SYNE1: variants seen among roughly 807,000 people sequenced by gnomAD.
SYNE1 encodes the protein spectrin repeat containing nuclear envelope protein 1.
SYNE1 carries 616 observed loss-of-function variants against 1,111.0 expected under a neutral mutation model. The ratio of observed to expected loss-of-function variants is 0.55; its 90% CI spans 0.52 to 0.59. The LOEUF (loss-of-function observed/expected upper bound fraction) is 0.59. Ranked by LOEUF, SYNE1 falls within the 20% of genes least tolerant of loss-of-function variation. SYNE1 has a pLI of 0.00. For missense variants in SYNE1, 10,006 were observed against 10,417.0 expected (o/e 0.96, Z 1.72); for synonymous variants, 3,855 against 3,825.8 (o/e 1.01, Z -0.28).
chr6:152,514,820 T>C (rs2099103415), intron 6 of SYNE1, among the ~76,000 whole-genome samples: 1 of 152,164 alleles, frequency 6.6e-6, no homozygotes, highest in African/African-American at 2.4e-5. Flanking sequence ...CTGGACTTCT[T>C]GCCTCCAAAA....
chr6:152,430,096 T>G lies in SYNE1; in HGVS notation c.4788+16A>C. The G allele has an allele frequency of 6.6e-7, 1 of 1,523,300 alleles. No homozygotes were observed. The highest frequency in any genetic ancestry group is 9.0e-7 in the Non-Finnish European group (1 of 1,105,158). 94.4% of individuals were successfully genotyped at this position (1,523,300 alleles called of 1,614,324 possible). On this transcript the variant is annotated intron_variant, in intron 36 of 145. Transcript: ENST00000367255. ...TTAAGTTGGTAAATAGTAGAAATGT[T>G]GAAGCATACTCTTACCATATGTTCT...
intron 133 of SYNE1, 122 bp downstream of exon 133, chr6:152,154,770 C>T: frequency 1.8e-6 from 2 of 1,127,938 alleles, no homozygotes; most frequent in Non-Finnish European, 2.7e-6. Context: ...CTGCAAAGTC[C>T]TCACGCAGCA....
chr6:152,562,175 T>C (rs755340116), intron 3 of SYNE1, among the ~76,000 whole-genome samples: 4 of 152,100 alleles, frequency 2.6e-5, no homozygotes, highest in African/African-American at 4.8e-5. Flanking sequence ...AAGGGATTAA[T>C]ATGCAAAATA....
chr6:152,362,406 C>A, intron 63 of SYNE1, 83 bp from the exon 64 acceptor site: 1 of 1,580,800 alleles, frequency 6.3e-7, no homozygotes, highest in Non-Finnish European at 8.7e-7. Context: ...TCCATCCACT[C>A]CAGTAAGCAA....
intron 11 of SYNE1, among the ~76,000 whole-genome samples, chr6:152,494,089 C>T (rs980966288): frequency 2.0e-5 from 3 of 152,144 alleles, no homozygotes; most frequent in Non-Finnish European, 4.4e-5. Context: ...ACAACCTGAC[C>T]GCACAGTTCT....
intron 128 of SYNE1, among the ~76,000 whole-genome samples, chr6:152,183,432 C>T (rs1407234176): frequency 1.3e-5 from 2 of 152,048 alleles, no homozygotes; most frequent in Non-Finnish European, 2.9e-5. Context: ...GAAACCCCAC[C>T]TCTACTAAAA....
At chr6:152,425,145 T>C (rs559336883) in intron 39 of SYNE1, among the ~76,000 whole-genome samples, 2 of 152,232 alleles carry the variant, frequency 1.3e-5, no homozygotes, top group Non-Finnish European at 2.9e-5. Flanking sequence ...TTTAATCTAT[T>C]TCAACTGGTT....
intron 53 of SYNE1, among the ~76,000 whole-genome samples, chr6:152,389,077 T>C (rs868195707): frequency 2.1e-5 from 3 of 143,198 alleles, no homozygotes; most frequent in South Asian, 4.2e-4. Context: ...ACAACAATAA[T>C]AACAACAACA....
intron 11 of SYNE1, among the ~76,000 whole-genome samples, chr6:152,490,730 C>G (rs140364811): frequency 1.3e-5 from 2 of 152,156 alleles, no homozygotes. Flanking sequence ...GCTCTTCACA[C>G]GGACACACGT....
rs150915076 is a variant in SYNE1 at position 152,620,928 on chromosome 6, C to T, written c.67+7337G>A. Among the ~76,000 whole-genome samples, 1,496 of 152,242 alleles carry T rather than the reference C, an allele frequency of 9.8e-3. 14 individuals carry two copies. The highest frequency in any genetic ancestry group is 0.027 in the Middle Eastern group (8 of 294). On this transcript the variant is annotated intron_variant, in intron 3 of 145. Coordinates refer to ENST00000367255, the MANE Select transcript of SYNE1 (RefSeq NM_182961.4). ...TGGGTGAATAGGTTAGATACATACACACAACCCAATACAAAGCAACAGAAG... is the reference window on the plus strand; with the variant it reads ...TGGGTGAATAGGTTAGATACATACATACAACCCAATACAAAGCAACAGAAG...
At chr6:152,454,864 A>C (rs902404603) in intron 24 of SYNE1, among the ~76,000 whole-genome samples, 1 of 152,168 alleles carries the variant, frequency 6.6e-6, no homozygotes, top group Admixed American at 6.5e-5. Flanking sequence ...ACTCAAATAC[A>C]TGTTCTCAGA....
intron 87 of SYNE1, among the ~76,000 whole-genome samples, chr6:152,313,464 CTTTTTTTT>C (rs35627993): frequency 7.4e-6 from 1 of 135,640 alleles, no homozygotes; most frequent in African/African-American, 2.7e-5. Context: ...ATTTTCTTTT[CTTTTTTTT>C]TTTTTTTTTG....
chr6:152,256,133 G>C (rs2090758626), intron 102 of SYNE1, among the ~76,000 whole-genome samples: 1 of 152,078 alleles, frequency 6.6e-6, no homozygotes, highest in Admixed American at 6.5e-5. Flanking sequence ...ACAGGAAACA[G>C]GATGGGGCCA....
intron 130 of SYNE1, among the ~76,000 whole-genome samples, chr6:152,165,083 C>T (rs190209877): frequency 2.0e-5 from 3 of 151,836 alleles, no homozygotes; most frequent in African/African-American, 4.8e-5. Flanking sequence ...CCCCCTCCCC[C>T]ACCCCCACAT....
chr6:152,400,857 T>C (rs560921633), intron 47 of SYNE1, among the ~76,000 whole-genome samples: 2 of 149,592 alleles, frequency 1.3e-5, no homozygotes, highest in Non-Finnish European at 3.0e-5. Flanking sequence ...CTCCACCCTT[T>C]TATAAAAAAG....
chr6:152,293,648 C>T lies in SYNE1; in HGVS notation c.17952G>A (p.Leu5984=). 6.2e-7 allele frequency: 1 copy of T among 1,614,138 alleles called. No individual in the cohort carries two copies. The highest frequency in any genetic ancestry group is 1.1e-5 in the South Asian group (1 of 91,076). ...CAGGCTCTGGGCTCTCACTGAGTTT[C>T]AGCTCAATGGCCTCCATCTTCGTAG... ...SISTKMEAIE[L]KLSESPEPGR... is the part of the protein sequence containing the mutation. Residue 5984 remains leucine, a synonymous_variant, in exon 95 of 146, where the codon CTG becomes CTA. Transcript: ENST00000367255.
intron 14 of SYNE1, among the ~76,000 whole-genome samples, chr6:152,472,975 A>T (rs2098815204): frequency 6.6e-6 from 1 of 152,226 alleles, no homozygotes; most frequent in Non-Finnish European, 1.5e-5. Flanking sequence ...CCCCATAGGT[A>T]ACACAGTGAG....
chr6:152,323,584 G>A lies in SYNE1; in HGVS notation c.15811C>T (p.Leu5271=). 1 of 1,614,230 alleles carries A rather than the reference G, an allele frequency of 6.2e-7. No homozygotes were observed. ...LEQQQSALGM[L]RQQTLSMLQD... The stretch of plus-strand genomic sequence containing the variant: ...AGCATGCTCAGGGTTTGCTGCCGCA[G>A]CATGCCCAAGGCCGACTGCTGCTGC... The change falls in exon 82 of 146, where the codon CTG becomes TTG. Residue 5271 remains leucine, a synonymous_variant. Coordinates refer to ENST00000367255, the MANE Select transcript of SYNE1 (RefSeq NM_182961.4).
chr6:152,171,523 C>T (rs1322000981), intron 130 of SYNE1, among the ~76,000 whole-genome samples: 2 of 152,086 alleles, frequency 1.3e-5, no homozygotes, highest in African/African-American at 4.8e-5. Context: ...CAGGGAAATG[C>T]TATGAAGGAG....
Sources: gnomAD v4.1 joint callset for allele counts (sites outside exome capture counted in the v4.1 genomes callset) on GRCh38, gnomAD v4.1.1 for gene constraint, MANE v1.5 for transcripts, NCBI Gene and HGNC (gene_info 2026-07-23, HGNC 2026-07-21) for gene names.